SIPA1L3: variants seen among roughly 807,000 people sequenced by gnomAD.
SIPA1L3 encodes the protein signal induced proliferation associated 1 like 3.
SIPA1L3 carries 59 observed loss-of-function variants against 150.1 expected under a neutral mutation model. The observed-to-expected ratio is 0.39, with a 90% confidence interval of 0.32 to 0.49. The LOEUF is 0.49. Ranked by LOEUF, SIPA1L3 falls within the 20% of genes least tolerant of loss-of-function variation. SIPA1L3 has a pLI of 0.86. For synonymous variants in SIPA1L3, 1,070 were observed against 1,077.6 expected, an observed-to-expected ratio of 0.99 and a Z score of 0.14; for missense variants, 2,211 against 2,489.5, an observed-to-expected ratio of 0.89 and a Z score of 2.38.
intron 6 of SIPA1L3, among the ~76,000 whole-genome samples, chr19:38,105,079 C>G (rs911616245): frequency 1.3e-5 from 2 of 151,940 alleles, no homozygotes; most frequent in Non-Finnish European, 2.9e-5. Flanking sequence ...ATCTGGAGGC[C>G]AGGCACAGTG....
At chr19:38,169,039 T>A (rs1356167467) in intron 15 of SIPA1L3, among the ~76,000 whole-genome samples, 1 of 152,134 alleles carries the variant, frequency 6.6e-6, no homozygotes, top group Non-Finnish European at 1.5e-5. Context: ...CACCCCCTGA[T>A]TTTACAGATA....
chr19:38,077,460 T>A lies in SIPA1L3; in HGVS notation c.-310-3796T>A, dbSNP rs571606908. On this transcript the variant is annotated intron_variant, in intron 2 of 21. Coordinates refer to ENST00000222345, the MANE Select transcript of SIPA1L3 (RefSeq NM_015073.3). ...AGAAAGACCCTGTCTCTAAAAAAAA[T>A]AATAATAAAAATGAATAAGAAAAAG... is the stretch of plus-strand genomic sequence containing the variant. Among the ~76,000 whole-genome samples, 28 of 151,554 alleles carry A rather than the reference T, an allele frequency of 1.8e-4. No homozygotes were observed. The South Asian group carries it at 2.5e-3, about 14-fold the overall frequency.
In SIPA1L3 at chr19:38,093,302, G is replaced by A. The variant is rs920434274; in HGVS notation, c.1665+4451G>A. On this transcript the variant is annotated intron_variant, in intron 4 of 21. Transcript: ENST00000222345. ...GGCAGAGCGAACAGCCAGTGCAGAG[G>A]TCCTGAGGCGGAGCCATGCTCCGTG... Among the ~76,000 whole-genome samples the A allele has an allele frequency of 1.1e-4, 17 of 152,192 alleles. 1 individual carries two copies. Among genetic ancestry groups the A allele is most frequent in the Non-Finnish European group, 2.2e-4 (15 of 68,046 alleles).
rs531872879 is a variant in SIPA1L3, at chr19:38,166,481, A to C, written c.4208+1575A>C. Reference sequence around the variant, plus strand: ...AAAAAAAAAAAAAAGAAAAGAAAAGAAAAGCAGGAATTGGCGAGCCAGCAG... The same window carrying C: ...AAAAAAAAAAAAAAGAAAAGAAAAGCAAAGCAGGAATTGGCGAGCCAGCAG... On this transcript the variant is annotated intron_variant, in intron 15 of 21. Transcript: ENST00000222345. Among the ~76,000 whole-genome samples, 4 of 151,992 alleles carry C rather than the reference A, an allele frequency of 2.6e-5. No homozygotes were observed. In the East Asian group the frequency reaches 5.8e-4, roughly 22 times the overall value.
chr19:38,039,092 A>G (rs1305058621), intron 2 of SIPA1L3, among the ~76,000 whole-genome samples: 4 of 152,084 alleles, frequency 2.6e-5, no homozygotes, highest in Admixed American at 6.5e-5. Context: ...CATGTTGCCC[A>G]GGGTGGTCTC....
chr19:38,054,423 A>G (rs1969271502), intron 2 of SIPA1L3, among the ~76,000 whole-genome samples: 1 of 152,238 alleles, frequency 6.6e-6, no homozygotes, highest in African/African-American at 2.4e-5. Context: ...CCTGACCAAC[A>G]TGGTGAAACC....
chr19:38,082,289 C>T lies in SIPA1L3; in HGVS notation c.724C>T (p.Leu242Phe), dbSNP rs778118301. Residue 242 changes from leucine to phenylalanine, a missense_variant, in exon 3 of 22, where the codon CTC becomes TTC. By Grantham distance (22) the Leu-to-Phe change is conservative (BLOSUM62 0). This residue lies in a region of SIPA1L3 where 587 missense variants were observed against 534.5 expected (regional missense o/e 1.10). Transcript: ENST00000222345. ...ARGCQALTEL[L>F]RADPGPHLMG... ...AGGGTGCCAGGCCCTCACCGAGCTC[C>T]TCCGGGCAGATCCTGGCCCACACCT... The T allele has an allele frequency of 1.3e-5, 20 of 1,599,728 alleles. No homozygotes were observed. Among genetic ancestry groups the T allele is most frequent in the South Asian group, 2.2e-5 (2 of 91,012 alleles).
chr19:38,142,044 T>G (rs975795598), intron 11 of SIPA1L3, among the ~76,000 whole-genome samples: 10 of 152,176 alleles, frequency 6.6e-5, no homozygotes, highest in African/African-American at 2.4e-4. Context: ...TTTAGGACAG[T>G]GACTTCTTCC....
chr19:37,946,133 G>A (rs191984401), intron 1 of SIPA1L3, among the ~76,000 whole-genome samples: 255 of 151,656 alleles, frequency 1.7e-3, no homozygotes, highest in African/African-American at 5.8e-3. Flanking sequence ...CCAACCTGGG[G>A]GACAACAGCG....
At chr19:38,120,318 G>C (rs1185469648) in intron 9 of SIPA1L3, among the ~76,000 whole-genome samples, 2 of 150,052 alleles carry the variant, frequency 1.3e-5, no homozygotes, top group African/African-American at 4.9e-5. Flanking sequence ...AAAAAGAAAA[G>C]AAAATTAGGG....
At chr19:37,989,856 T>G (rs1325496609) in intron 1 of SIPA1L3, among the ~76,000 whole-genome samples, 1 of 151,976 alleles carries the variant, frequency 6.6e-6, no homozygotes, top group Non-Finnish European at 1.5e-5. Flanking sequence ...TTTAACTCCC[T>G]ACATCATTGC....
At chr19:37,915,373 T>G (rs1033700015) in intron 1 of SIPA1L3, among the ~76,000 whole-genome samples, 8 of 151,972 alleles carry the variant, frequency 5.3e-5, no homozygotes, top group East Asian at 1.9e-4. Context: ...AGGTGTTTTT[T>G]TTTGTTTGTT....
intron 15 of SIPA1L3, among the ~76,000 whole-genome samples, chr19:38,171,801 G>A (rs1279143677): frequency 6.6e-6 from 1 of 152,104 alleles, no homozygotes; most frequent in African/African-American, 2.4e-5. Context: ...AGACAGCAGT[G>A]TGCTGTGATT....
At position 38,058,981 on chromosome 19, in the gene SIPA1L3, C is replaced by T. The variant is rs554969986; in HGVS notation, c.-310-22275C>T. On this transcript the variant is annotated intron_variant, in intron 2 of 21. Coordinates refer to ENST00000222345, the MANE Select transcript of SIPA1L3 (RefSeq NM_015073.3). ...CAGAGGTTACAGTGAGCTGAGATCC[C>T]GCCACTGCACTCCAGCCTGGGTAAC... 2.2e-4 allele frequency among the ~76,000 whole-genome samples: 33 copies of T among 151,018 alleles called. No individual in the cohort carries two copies. In the South Asian group the frequency reaches 5.9e-3, roughly 27 times the overall value.
chr19:38,006,401 G>C (rs535525209), intron 1 of SIPA1L3, among the ~76,000 whole-genome samples: 3 of 152,236 alleles, frequency 2.0e-5, no homozygotes, highest in African/African-American at 7.2e-5. Context: ...CTTCTAGGGA[G>C]TGGGGCACGT....
At chr19:37,959,575 G>C (rs1221494870) in intron 1 of SIPA1L3, among the ~76,000 whole-genome samples, 2 of 152,162 alleles carry the variant, frequency 1.3e-5, no homozygotes, top group African/African-American at 4.8e-5. Context: ...TTTTGGAGAT[G>C]ATAAAAATTT....
At chr19:38,196,815 C>G (rs566689009) in intron 18 of SIPA1L3, among the ~76,000 whole-genome samples, 3 of 152,122 alleles carry the variant, frequency 2.0e-5, no homozygotes, top group Non-Finnish European at 4.4e-5. Context: ...GCCAAGGACT[C>G]GTTCATTCAG....
At position 38,099,944 on chromosome 19, in the gene SIPA1L3, C is replaced by T; in HGVS notation, c.1666-18C>T. The stretch of plus-strand genomic sequence containing the variant: ...GGTCTCGAGAGCCCCCTAACCTTCC[C>T]TTCTCTCCCTTGAGTAGCTCATCAC... On this transcript the variant is annotated intron_variant, in intron 4 of 21. Transcript: ENST00000222345. 3.8e-6 allele frequency: 6 copies of T among 1,575,882 alleles called. No individual in the cohort carries two copies. The highest frequency in any genetic ancestry group is 4.3e-6 in the Non-Finnish European group (5 of 1,167,260).
chr19:37,932,657 C>T (rs1425441353), intron 1 of SIPA1L3: 3 of 152,258 alleles, frequency 2.0e-5, no homozygotes, highest in Admixed American at 2.0e-4. Context: ...CACCTGCCCA[C>T]TTTGTGATCA....
Sources: allele counts gnomAD v4.1 joint callset (sites outside exome capture counted in the v4.1 genomes callset), GRCh38; gene constraint gnomAD v4.1.1; regional missense constraint gnomAD v4.1.1; transcripts MANE v1.5; gene names NCBI Gene and HGNC (gene_info 2026-07-23, HGNC 2026-07-21).